NXF1: variants seen among roughly 807,000 people sequenced by gnomAD.
The protein encoded by NXF1 is nuclear RNA export factor 1.
In NXF1, 43 loss-of-function variants were observed where a neutral mutation model predicts 92.4. The observed-to-expected ratio is 0.47, with a 90% confidence interval of 0.36 to 0.60. The LOEUF (loss-of-function observed/expected upper bound fraction) is 0.60, where lower values mean the gene tolerates loss of function less well. Ranked by LOEUF, NXF1 falls within the 20% of genes least tolerant of loss-of-function variation. The pLI is 0.00. For missense variants in NXF1, 576 were observed against 793.0 expected, an observed-to-expected ratio of 0.73 and a Z score of 3.29; for synonymous variants, 288 against 292.2, an observed-to-expected ratio of 0.99 and a Z score of 0.15.
rs1336384124 is a variant in NXF1, at chr11:62,801,813, T to C, written c.565A>G (p.Ile189Val). 6.8e-6 allele frequency: 11 copies of C among 1,613,444 alleles called. 1 individual carries two copies. In the South Asian group the frequency reaches 1.1e-4, roughly 16 times the overall value. ...ILDRENRRIS[I>V]IINSSAPPHT... ...GGTGGAGCAGAAGAGTTGATGATGA[T>C]AGATATCTGGAGGGAAGACACAGAG... Residue 189 changes from isoleucine to valine, a missense_variant, in exon 6 of 21, where the codon ATC becomes GTC. Transcript: ENST00000294172.
In NXF1 at chr11:62,805,351, C is replaced by A. The variant is rs773792631; in HGVS notation, c.6G>T (p.Ala2=). The A allele has an allele frequency of 1.2e-6, 2 of 1,611,514 alleles. No individual in the cohort carries two copies. Among genetic ancestry groups the A allele is most frequent in the Non-Finnish European group, 1.7e-6 (2 of 1,178,906 alleles). ...TACCGCTGTACGACTTCCCCTCGTC[C>A]GCCATGCCACAGCGAAGATCAAGGG... is the stretch of plus-strand genomic sequence containing the variant. M[A]DEGKSYSEHD... Residue 2 remains alanine (A), a synonymous_variant, in exon 1 of 21, where the codon GCG becomes GCT. Coordinates refer to ENST00000294172, the MANE Select transcript of NXF1 (RefSeq NM_006362.5).
chr11:62,793,594 C>T (rs1469277766), intron 19 of NXF1, among the ~76,000 whole-genome samples: 1 of 151,400 alleles, frequency 6.6e-6, no homozygotes, highest in East Asian at 1.9e-4. Context: ...GGAGAATCAC[C>T]TGAGCCCTAG....
chr11:62,795,829 C>CTT lies in NXF1; in HGVS notation c.1504+71_1504+72insAA, dbSNP rs2084414127. On this transcript the variant is annotated intron_variant, in intron 17 of 20. Transcript: ENST00000294172. Reference sequence around the variant, plus strand: ...AATGGGAGAGAAAGTAGCTGGGAAGCTAAGAGTGCTGAGGAAAATTCCAGC... The same window carrying CTT: ...AATGGGAGAGAAAGTAGCTGGGAAGCTTTAAGAGTGCTGAGGAAAATTCCAGC... 4 of 1,390,268 alleles carry CTT rather than the reference C, an allele frequency of 2.9e-6. No individual in the cohort carries two copies. The African/African-American group carries it at 5.7e-5, about 20-fold the overall frequency. 86.1% of individuals were successfully genotyped at this position (1,390,268 alleles called of 1,614,324 possible).
At position 62,796,288 on chromosome 11, in the gene NXF1, A is replaced by G; in HGVS notation, c.1344T>C (p.Pro448=). 1 of 1,614,048 alleles carries G rather than the reference A, an allele frequency of 6.2e-7. No homozygotes were observed. The highest frequency in any genetic ancestry group is 1.7e-5 in the Admixed American group (1 of 60,002). ...DSRNVKKLKD[P]TLRFRLLKHT... Reference sequence around the variant, plus strand: ...ATTTTGTTCGTATCACACACTTACTAGGGTCTTTAAGCTTCTTCACATTTC... The same window carrying G: ...ATTTTGTTCGTATCACACACTTACTGGGGTCTTTAAGCTTCTTCACATTTC... The change falls in exon 15 of 21, where the codon CCT becomes CCC. Residue 448 remains proline, a splice_region_variant and synonymous_variant. Transcript: ENST00000294172.
chr11:62,797,381 G>A lies in NXF1; in HGVS notation c.1059C>T (p.Gly353=), dbSNP rs775425544. The part of the protein sequence containing the change: ...ERFPKLLRLD[G]HELPPPIAFD... ...AGGCAATTGGTGGGGGTAGCTCATGGCCATCCTGTGGAAAGGAAGTAAAAG... is the reference window on the plus strand; with the variant it reads ...AGGCAATTGGTGGGGGTAGCTCATGACCATCCTGTGGAAAGGAAGTAAAAG... Residue 353 remains glycine (G), a synonymous_variant, in exon 12 of 21, where the codon GGC becomes GGT. Transcript: ENST00000294172. The A allele has an allele frequency of 6.2e-6, 10 of 1,612,976 alleles. No homozygotes were observed. The highest frequency in any genetic ancestry group is 8.5e-6 in the Non-Finnish European group (10 of 1,179,878).
rs754717700 is a variant in NXF1, at chr11:62,800,473, C to T, written c.920G>A (p.Arg307Gln). Residue 307 changes from arginine to glutamine, a missense_variant, in exon 10 of 21, where the codon CGG (arginine) becomes CAG (glutamine). Arg to Gln is a conservative substitution (Grantham distance 43). Coordinates refer to ENST00000294172, the MANE Select transcript of NXF1 (RefSeq NM_006362.5). ...NLSGNELKSERELDKIKGLKL... is the reference protein window; with the variant it reads ...NLSGNELKSEQELDKIKGLKL... ...CAGCCCCTTTATCTTGTCCAATTCCCGCTCAGACTTCAACTGCAAAGGGTG... is the reference window on the plus strand; with the variant it reads ...CAGCCCCTTTATCTTGTCCAATTCCTGCTCAGACTTCAACTGCAAAGGGTG... The T allele has an allele frequency of 7.4e-6, 12 of 1,613,420 alleles. No homozygotes were observed. Among genetic ancestry groups the T allele is most frequent in the East Asian group, 2.2e-5 (1 of 44,886 alleles).
intron 10 of NXF1, 25 bp from the exon 11 acceptor site, chr11:62,798,600 G>A (rs377353308): frequency 6.8e-6 from 11 of 1,613,708 alleles, no homozygotes; most frequent in Non-Finnish European, 9.3e-6. Context: ...ACAGAAGTGA[G>A]TGATGCTTCA....
intron 11 of NXF1, 59 bp downstream of exon 11, chr11:62,798,480 A>G: frequency 6.3e-7 from 1 of 1,585,202 alleles, no homozygotes; most frequent in Non-Finnish European, 8.5e-7. Context: ...AAACCTATCC[A>G]GGAATCCTTG....
intron 19 of NXF1, 64 bp downstream of exon 19, chr11:62,794,194 C>CT (rs2084397707): frequency 6.8e-7 from 1 of 1,464,148 alleles, no homozygotes; most frequent in Non-Finnish European, 9.3e-7. Context: ...CTGTCAGGAG[C>CT]CCTCATTATT....
chr11:62,792,656 G>A lies in NXF1; in HGVS notation c.1806C>T (p.Ala602=), dbSNP rs1590947399. 4 of 1,614,164 alleles carry A rather than the reference G, an allele frequency of 2.5e-6. No homozygotes were observed. Among genetic ancestry groups the A allele is most frequent in the Middle Eastern group, 1.6e-4 (1 of 6,062 alleles). ...CAGACCTTACCTTGAGATGAGTGAA[G>A]GCCTGGGCAGATCTGGTGTAGTCCC... ...NNWDYTRSAQ[A]FTHLKAKGEI... The change falls in exon 20 of 21, where the codon GCC becomes GCT. Residue 602 remains alanine, a synonymous_variant. Transcript: ENST00000294172.
chr11:62,796,104 C>T lies in NXF1; in HGVS notation c.1423G>A (p.Asp475Asn), dbSNP rs1314820367. ...FLNELPKTQH[D>N]VNSFVVDISA... ...ATGTCTACCACGAAGGAATTGACGT[C>T]GTGCTGGGTTTTGGGCAACTCATTG... Residue 475 changes from aspartate (D) to asparagine (N), a missense_variant, in exon 16 of 21, where the codon GAC becomes AAC. This residue lies in a region of NXF1 where 425 missense variants were observed against 635.2 expected (regional missense o/e 0.67). Coordinates refer to ENST00000294172, the MANE Select transcript of NXF1 (RefSeq NM_006362.5). The T allele has an allele frequency of 3.7e-6, 6 of 1,613,696 alleles. No homozygotes were observed. Among genetic ancestry groups the T allele is most frequent in the Non-Finnish European group, 5.1e-6 (6 of 1,179,990 alleles).
chr11:62,794,384 T>C lies in NXF1; in HGVS notation c.1634A>G (p.Gln545Arg). The change falls in exon 19 of 21, where the codon CAA (glutamine) becomes CGA (arginine). Residue 545 changes from glutamine to arginine, a missense_variant. Gln to Arg is a conservative substitution (Grantham distance 43). Around this residue, in one of 2 missense-constraint regions of NXF1, gnomAD observed 425 missense variants for 635.2 expected, o/e 0.67. Coordinates refer to ENST00000294172, the MANE Select transcript of NXF1 (RefSeq NM_006362.5). ...FVRNASSEEI[Q>R]RAFAMPAPTP... ...GGGTGCAGGCATAGCGAAGGCTCTT[T>C]GGATCTCTTCAGAACTGGCATTCCG... 1 of 1,614,196 alleles carries C rather than the reference T, an allele frequency of 6.2e-7. No individual in the cohort carries two copies. Among genetic ancestry groups the C allele is most frequent in the Non-Finnish European group, 8.5e-7 (1 of 1,180,032 alleles).
At position 62,802,185 on chromosome 11, in the gene NXF1, G is replaced by A; in HGVS notation, c.445C>T (p.Pro149Ser). 1 of 1,614,088 alleles carries A rather than the reference G, an allele frequency of 6.2e-7. No individual in the cohort carries two copies. Among genetic ancestry groups the A allele is most frequent in the Non-Finnish European group, 8.5e-7 (1 of 1,179,916 alleles). Residue 149 changes from proline (P) to serine (S), a missense_variant, in exon 4 of 21, where the codon CCT becomes TCT. Coordinates refer to ENST00000294172, the MANE Select transcript of NXF1 (RefSeq NM_006362.5). The part of the protein sequence containing the change: ...IQSKCSVPFT[P>S]IEFHYENTRA... ...CTCAGGCCTTGTCTTACCTCAATAG[G>A]GGTGAAGGGCACACTGCACTTGCTC...
At chr11:62,801,044 A>C in intron 9 of NXF1, 50 bp downstream of exon 9, 1 of 1,386,258 alleles carries the variant, frequency 7.2e-7, no homozygotes, top group Non-Finnish European at 1.0e-6. Context: ...CAAACTCTCT[A>C]CACCCTCTAC....
chr11:62,801,516 C>T, intron 7 of NXF1, 46 bp downstream of exon 7: 1 of 1,609,482 alleles, frequency 6.2e-7, no homozygotes, highest in East Asian at 2.2e-5. Context: ...CCTGACAGAT[C>T]CCACCTTATC....
chr11:62,802,309 T>A, intron 3 of NXF1, 49 bp from the exon 4 acceptor site: 1 of 1,496,806 alleles, frequency 6.7e-7, no homozygotes, highest in South Asian at 1.1e-5. Flanking sequence ...TAAGGCTGAA[T>A]AGCAGACCCA....
At chr11:62,799,735 G>A in intron 10 of NXF1, 1 of 986,098 alleles carries the variant, frequency 1.0e-6, no homozygotes, top group Non-Finnish European at 1.2e-6. Flanking sequence ...CTGCTGGCGG[G>A]GCCCCAGCTC....
intron 10 of NXF1, 77 bp downstream of exon 10, chr11:62,800,300 G>A (rs774411059): frequency 1.6e-5 from 25 of 1,605,540 alleles, no homozygotes; most frequent in Non-Finnish European, 2.0e-5. Flanking sequence ...CCGCAGACGG[G>A]CCCTGGTCAG....
chr11:62,794,182 AAC>A (rs2084397415), intron 19 of NXF1, 74 bp downstream of exon 19: 1 of 1,434,966 alleles, frequency 7.0e-7, no homozygotes, highest in Non-Finnish European at 9.5e-7. Context: ...AAAACAAAAA[AAC>A]TGTCAGGAGC....
Sources: gnomAD v4.1 joint callset for allele counts (sites outside exome capture counted in the v4.1 genomes callset) on GRCh38, gnomAD v4.1.1 for gene constraint, gnomAD v4.1.1 regional missense constraint, MANE v1.5 for transcripts, NCBI Gene and HGNC (gene_info 2026-07-23, HGNC 2026-07-21) for gene names.